ZNF385D: variants seen among roughly 807,000 people sequenced by gnomAD.
The protein encoded by ZNF385D is zinc finger protein 659.
Under a neutral mutation model 35.8 loss-of-function variants are expected in ZNF385D, and 15 were observed. The ratio of observed to expected loss-of-function variants is 0.42; its 90% CI spans 0.28 to 0.64. ZNF385D has a LOEUF of 0.64. Among genes scored for constraint, ZNF385D ranks in the 30% least tolerant of loss-of-function variants. ZNF385D has a pLI of 0.23. For synonymous variants in ZNF385D, 212 were observed against 186.8 expected, an observed-to-expected ratio of 1.13 and a Z score of -1.10; for missense variants, 474 against 494.6, an observed-to-expected ratio of 0.96 and a Z score of 0.39.
chr3:21,500,073 T>C (rs1003337552), intron 4 of ZNF385D, among the ~76,000 whole-genome samples: 1 of 152,178 alleles, frequency 6.6e-6, no homozygotes, highest in African/African-American at 2.4e-5. Context: ...ATTATGATAA[T>C]TAAAATAGCA....
chr3:22,193,268 T>C (rs1193393228), intron 2 of ZNF385D, among the ~76,000 whole-genome samples: 3 of 152,102 alleles, frequency 2.0e-5, no homozygotes, highest in Non-Finnish European at 4.4e-5. Flanking sequence ...TAATTAAAAA[T>C]GGCTTTCTCT....
intron 2 of ZNF385D, among the ~76,000 whole-genome samples, chr3:22,271,702 CCTT>C: frequency 1.3e-5 from 2 of 151,958 alleles, no homozygotes; most frequent in African/African-American, 4.8e-5. Flanking sequence ...CTGCCTGTCT[CCTT>C]CTCATCATTT....
chr3:22,278,853 C>T (rs1242218163), intron 2 of ZNF385D, among the ~76,000 whole-genome samples: 2 of 152,064 alleles, frequency 1.3e-5, no homozygotes, highest in African/African-American at 2.4e-5. Context: ...TTACTGGAAG[C>T]CTTGCAGGTA....
At chr3:21,690,547 C>T (rs1332674873) in intron 1 of ZNF385D, among the ~76,000 whole-genome samples, 3 of 152,282 alleles carry the variant, frequency 2.0e-5, no homozygotes, top group Non-Finnish European at 1.5e-5. Context: ...ACCTTCTGCT[C>T]ATTTCCTCAT....
At chr3:21,677,818 G>C (rs2066777013) in intron 1 of ZNF385D, among the ~76,000 whole-genome samples, 1 of 151,804 alleles carries the variant, frequency 6.6e-6, no homozygotes, top group African/African-American at 2.4e-5. Flanking sequence ...TAGTTTTTTA[G>C]TTGTGGAAAC....
At chr3:22,097,211 T>C (rs1368065613) in intron 3 of ZNF385D, among the ~76,000 whole-genome samples, 1 of 152,084 alleles carries the variant, frequency 6.6e-6, no homozygotes, top group Non-Finnish European at 1.5e-5. Context: ...ATATGATTAT[T>C]TTTATTTTAT....
At chr3:21,447,162 C>T (rs1702199242) in intron 4 of ZNF385D, among the ~76,000 whole-genome samples, 1 of 151,958 alleles carries the variant, frequency 6.6e-6, no homozygotes, top group Non-Finnish European at 1.5e-5. Context: ...CTGATAAGCA[C>T]CAAGACAAAT....
chr3:21,586,687 A>G (rs939895764), intron 2 of ZNF385D, among the ~76,000 whole-genome samples: 1 of 152,226 alleles, frequency 6.6e-6, no homozygotes, highest in Non-Finnish European at 1.5e-5. Flanking sequence ...TGCTGTCTAC[A>G]TGGACAGAAG....
intron 2 of ZNF385D, among the ~76,000 whole-genome samples, chr3:21,660,666 A>G (rs1021304864): frequency 2.6e-5 from 4 of 152,220 alleles, no homozygotes; most frequent in African/African-American, 4.8e-5. Flanking sequence ...CCATTTTTTC[A>G]TGATTACCTT....
At chr3:22,184,447 T>G (rs1035812806) in intron 2 of ZNF385D, among the ~76,000 whole-genome samples, 1 of 152,168 alleles carries the variant, frequency 6.6e-6, no homozygotes, top group African/African-American at 2.4e-5. Flanking sequence ...ATACTGTGTG[T>G]GCTAATGTAT....
intron 3 of ZNF385D, among the ~76,000 whole-genome samples, chr3:22,114,409 A>C (rs953752399): frequency 2.0e-5 from 3 of 152,150 alleles, no homozygotes; most frequent in African/African-American, 7.2e-5. Context: ...TCATTTAACC[A>C]ATATGTATCT....
chr3:22,273,209 C>T (rs2125365534), intron 2 of ZNF385D, among the ~76,000 whole-genome samples: 1 of 152,058 alleles, frequency 6.6e-6, no homozygotes, highest in Admixed American at 6.6e-5. Context: ...ATCCAAGTTT[C>T]CTAAAAGCAA....
intron 2 of ZNF385D, among the ~76,000 whole-genome samples, chr3:22,326,666 T>G (rs1395527748): frequency 6.6e-6 from 1 of 152,160 alleles, no homozygotes; most frequent in Admixed American, 6.5e-5. Flanking sequence ...TTAGATGGAT[T>G]TGGGTTTTAA....
intron 2 of ZNF385D, among the ~76,000 whole-genome samples, chr3:22,223,943 T>C (rs1698406679): frequency 1.3e-5 from 2 of 152,176 alleles, no homozygotes; most frequent in African/African-American, 4.8e-5. Context: ...GCCTATTTTA[T>C]TCACCATCAT....
chr3:22,080,208 T>C (rs951536703), intron 3 of ZNF385D, among the ~76,000 whole-genome samples: 10 of 152,134 alleles, frequency 6.6e-5, no homozygotes, highest in Non-Finnish European at 1.2e-4. Flanking sequence ...GGAAAAATCA[T>C]TGTGTTTTAT....
At chr3:22,047,800 T>C (rs1354846319) in intron 3 of ZNF385D, among the ~76,000 whole-genome samples, 1 of 152,188 alleles carries the variant, frequency 6.6e-6, no homozygotes, top group Non-Finnish European at 1.5e-5. Flanking sequence ...AATTCTATTT[T>C]TAATTTTTTG....
chr3:21,826,821 T>TA (rs55642872), intron 3 of ZNF385D, among the ~76,000 whole-genome samples: 72 of 138,618 alleles, frequency 5.2e-4, no homozygotes, highest in South Asian at 2.6e-3. Context: ...ATCAGAAAAT[T>TA]AAAAAAAAAA....
intron 3 of ZNF385D, among the ~76,000 whole-genome samples, chr3:22,145,696 C>T (rs1038011768): frequency 1.3e-5 from 2 of 152,110 alleles, no homozygotes; most frequent in Non-Finnish European, 2.9e-5. Flanking sequence ...AGAAATCAGA[C>T]CTAATCAGTA....
chr3:21,758,998 A>AAAAC (rs2070478718), intron 3 of ZNF385D, among the ~76,000 whole-genome samples: 1 of 149,184 alleles, frequency 6.7e-6, no homozygotes, highest in African/African-American at 2.5e-5. Context: ...AAAAAAAAAA[A>AAAAC]AAAAAAAACA....
Sources: gnomAD v4.1 joint callset for allele counts (sites outside exome capture counted in the v4.1 genomes callset) on GRCh38, gnomAD v4.1.1 for gene constraint, MANE v1.5 for transcripts, NCBI Gene and HGNC (gene_info 2026-07-23, HGNC 2026-07-21) for gene names.